The following NRG4 variants were observed in gnomAD, a reference collection of about 807,000 sequenced individuals.
NRG4 encodes neuregulin 4, also known as pro-neuregulin-4, membrane-bound isoform.
Under a neutral mutation model 15.0 loss-of-function variants are expected in NRG4, and 10 were observed. The ratio of observed to expected loss-of-function variants is 0.67; its 90% CI spans 0.41 to 1.13. NRG4 has a LOEUF of 1.13. Ranked by LOEUF, NRG4 falls within the 50% of genes most tolerant of loss-of-function variation. The pLI, the probability that NRG4 is intolerant of heterozygous loss-of-function variation, is 0.00. For missense variants in NRG4, 139 were observed against 140.2 expected (o/e 0.99, Z 0.04); for synonymous variants, 41 against 50.1 (o/e 0.82, Z 0.77).
intron 3 of NRG4, among the ~76,000 whole-genome samples, chr15:75,979,527 ATC>A (rs1313664267): frequency 1.3e-5 from 2 of 152,180 alleles, no homozygotes; most frequent in Non-Finnish European, 2.9e-5. Flanking sequence ...TAAAATTAAA[ATC>A]TGTTATAAAA....
In NRG4 at chr15:76,010,921, C is replaced by T. The variant is rs567540464; in HGVS notation, c.10+300G>A. ...ACCTGAATCATTATTTCTGAATCTA[C>T]TTTTATTCTGACTTCTATTTCCTTA... is the stretch of plus-strand genomic sequence containing the variant. On this transcript the variant is annotated intron_variant, in intron 2 of 5. Transcript: ENST00000394907. 1.6e-3 allele frequency among the ~76,000 whole-genome samples: 248 copies of T among 152,168 alleles called. 2 individuals carry two copies. Among genetic ancestry groups the T allele is most frequent in the Admixed American group, 4.1e-3 (63 of 15,296 alleles).
rs888781220 is a variant in NRG4 at position 75,977,068 on chromosome 15, C to T, written c.105-15094G>A. Among the ~76,000 whole-genome samples the T allele has an allele frequency of 2.6e-5, 4 of 152,216 alleles. No homozygotes were observed. Among genetic ancestry groups the T allele is most frequent in the Non-Finnish European group, 5.9e-5 (4 of 68,040 alleles). On this transcript the variant is annotated intron_variant, in intron 3 of 5. Coordinates refer to ENST00000394907, the MANE Select transcript of NRG4 (RefSeq NM_138573.4). This position sits in a 1 kb window ranked among gnomAD's most constrained non-coding sequence, Gnocchi z 4.9. ...TAGAGAGGCAGTCTGGGTACCGCCG[C>T]TTTGTGGCACTGTGGTGGGCTCTGC...
chr15:76,017,790 G>A (rs947772999), intron 5 of NRG4, among the ~76,000 whole-genome samples: 4 of 151,882 alleles, frequency 2.6e-5, no homozygotes, highest in Non-Finnish European at 5.9e-5. Context: ...TGGTGAATCT[G>A]ACAATTATGT....
At chr15:75,963,714 G>C (rs1286689483) in intron 3 of NRG4, among the ~76,000 whole-genome samples, 2 of 149,504 alleles carry the variant, frequency 1.3e-5, no homozygotes, top group Non-Finnish European at 3.0e-5. Context: ...GGAGGCGGAG[G>C]TTGCAGTGAG....
At chr15:76,028,320 T>C (rs2035370287) in intron 5 of NRG4, among the ~76,000 whole-genome samples, 1 of 150,938 alleles carries the variant, frequency 6.6e-6, no homozygotes, top group Non-Finnish European at 1.5e-5. Flanking sequence ...AAATGAGACA[T>C]CAAAACAGAT....
In NRG4 at chr15:75,990,668, ATTGTTTTTTTTTT is replaced by A. The variant is rs1468168014; in HGVS notation, c.104+18519_104+18531del. 8.1e-4 allele frequency among the ~76,000 whole-genome samples: 96 copies of A among 117,898 alleles called. No homozygotes were observed. In the East Asian group the frequency reaches 0.017, roughly 20 times the overall value. The allele number at this position is 117,898 out of a possible 152,430, so 77.3% of individuals were successfully genotyped here. A position where few individuals can be genotyped will look rare whatever the true frequency, so the allele number is the denominator to read the frequency against. The stretch of plus-strand genomic sequence containing the variant: ...GGTAATTTTCTTACTGTAGTTGGTA[ATTGTTTTTTTTTT>A]TTGTTTTTTTTTTTTTTGAGACAGG... On this transcript the variant is annotated intron_variant, in intron 3 of 5. Transcript: ENST00000394907.
At chr15:75,974,080 C>T (rs943467765) in intron 3 of NRG4, among the ~76,000 whole-genome samples, 8 of 152,088 alleles carry the variant, frequency 5.3e-5, no homozygotes, top group Non-Finnish European at 4.4e-5. Flanking sequence ...TCGACTTCTT[C>T]CTGGTTTAGT....
chr15:75,967,775 C>G (rs8030469), intron 3 of NRG4, among the ~76,000 whole-genome samples: 31 of 152,010 alleles, frequency 2.0e-4, no homozygotes, highest in Middle Eastern at 3.4e-3. Flanking sequence ...AAATCTGATT[C>G]TTTTAAGATT....
rs913100319 is a variant in NRG4 at position 75,992,299 on chromosome 15, T to C, written c.104+16901A>G. Among the ~76,000 whole-genome samples the C allele has an allele frequency of 1.4e-4, 21 of 152,182 alleles. No homozygotes were observed. The East Asian group carries it at 1.5e-3, about 11-fold the overall frequency. ...GTTTTATATTTACGCATATTTTTAC[T>C]ATTTCCAAAGTTCTTCATCCCTTTC... On this transcript the variant is annotated intron_variant, in intron 3 of 5. Coordinates refer to ENST00000394907, the MANE Select transcript of NRG4 (RefSeq NM_138573.4).
At chr15:76,007,692 G>A (rs1421758525) in intron 3 of NRG4, among the ~76,000 whole-genome samples, 1 of 152,188 alleles carries the variant, frequency 6.6e-6, no homozygotes, top group East Asian at 1.9e-4. Flanking sequence ...GCCTCCCAAA[G>A]TGCTGGGATT....
chr15:76,027,525 GC>G (rs1403398012), intron 5 of NRG4, among the ~76,000 whole-genome samples: 1 of 150,956 alleles, frequency 6.6e-6, no homozygotes, highest in East Asian at 1.9e-4. Flanking sequence ...TATGCACCAA[GC>G]ACCAGAGCAC....
In NRG4 at chr15:75,941,669, T is replaced by A. The variant is rs2030969629; in HGVS notation, c.*1969A>T. On this transcript the variant is annotated 3_prime_UTR_variant, in exon 6 of 6. Coordinates refer to ENST00000394907, the MANE Select transcript of NRG4 (RefSeq NM_138573.4). ...AGTAAATCACAAAAGGACAATACTA[T>A]ATGAATCCACTGATGTGAGGTACCT... The A allele has an allele frequency of 6.6e-6, 1 of 152,152 alleles. No individual in the cohort carries two copies. Among genetic ancestry groups the A allele is most frequent in the Non-Finnish European group, 1.5e-5 (1 of 68,004 alleles). 9.4% of individuals were successfully genotyped at this position (152,152 alleles called of 1,614,324 possible). A position where few individuals can be genotyped will look rare whatever the true frequency, so the allele number is the denominator to read the frequency against.
chr15:76,055,819 G>A (rs966427913), intron 2 of NRG4, among the ~76,000 whole-genome samples: 1 of 152,046 alleles, frequency 6.6e-6, no homozygotes, highest in Non-Finnish European at 1.5e-5. Flanking sequence ...AAAAATTACT[G>A]GAAATAAAAA....
intron 3 of NRG4, among the ~76,000 whole-genome samples, chr15:75,990,389 C>T (rs2033962337): frequency 6.6e-6 from 1 of 152,164 alleles, no homozygotes; most frequent in African/African-American, 2.4e-5. Flanking sequence ...CCAGAGCGTA[C>T]CTCCAGGAAG....
intron 4 of NRG4, among the ~76,000 whole-genome samples, chr15:76,038,376 C>G (rs370915652): frequency 6.6e-6 from 1 of 152,150 alleles, no homozygotes; most frequent in Non-Finnish European, 1.5e-5. Context: ...CAGAGGGGAC[C>G]CCACTTCCCT....
intron 5 of NRG4, among the ~76,000 whole-genome samples, chr15:75,945,293 A>G (rs1380318959): frequency 1.4e-5 from 2 of 147,206 alleles, no homozygotes; most frequent in African/African-American, 5.0e-5. Flanking sequence ...GTGGAATCTC[A>G]CTTTGTCACC....
chr15:76,057,044 CT>C (rs1265759606), intron 1 of NRG4: 1 of 152,198 alleles, frequency 6.6e-6, no homozygotes, highest in Admixed American at 6.5e-5. Context: ...ATATACCAAG[CT>C]TAAACCCACA....
chr15:75,959,295 T>A (rs950072150), intron 4 of NRG4, among the ~76,000 whole-genome samples: 2 of 152,174 alleles, frequency 1.3e-5, no homozygotes, highest in African/African-American at 2.4e-5. Flanking sequence ...GGATTTAATA[T>A]CACACAAATC....
At chr15:76,017,875 CTTGCTAGG>C (rs1481813673) in intron 5 of NRG4, among the ~76,000 whole-genome samples, 3 of 152,126 alleles carry the variant, frequency 2.0e-5, no homozygotes, top group African/African-American at 7.2e-5. Context: ...GTTGGCCTGT[CTTGCTAGG>C]TTGGGGAAGT....
Sources: gnomAD v4.1 joint callset for allele counts (sites outside exome capture counted in the v4.1 genomes callset) on GRCh38, gnomAD v4.1.1 for gene constraint, Gnocchi (gnomAD v3.1) non-coding constraint, MANE v1.5 for transcripts, NCBI Gene and HGNC (gene_info 2026-07-23, HGNC 2026-07-21) for gene names.